CACNA1E: variants seen among roughly 807,000 people sequenced by gnomAD.
CACNA1E encodes the protein voltage-dependent R-type calcium channel subunit alpha-1E.
Under a neutral mutation model 259.2 loss-of-function variants are expected in CACNA1E, and 40 were observed. That is an observed-to-expected ratio of 0.15 (90% CI 0.12 to 0.20). CACNA1E has a LOEUF of 0.20. Among genes scored for constraint, CACNA1E ranks in the 10% least tolerant of loss-of-function variants. The pLI, the probability that CACNA1E is intolerant of heterozygous loss-of-function variation, is 1.00. For missense variants in CACNA1E, 1,874 were observed against 3,040.1 expected (o/e 0.62, Z 9.02); for synonymous variants, 1,104 against 1,138.5 (o/e 0.97, Z 0.61).
intron 18 of CACNA1E, among the ~76,000 whole-genome samples, chr1:181,727,868 G>A (rs1322118192): frequency 6.6e-6 from 1 of 152,158 alleles, no homozygotes; most frequent in African/African-American, 2.4e-5. Context: ...CCAGTGAAGG[G>A]CTCCCAGGCA....
chr1:181,587,634 A>G (rs1652197986), intron 6 of CACNA1E, among the ~76,000 whole-genome samples: 1 of 152,200 alleles, frequency 6.6e-6, no homozygotes, highest in African/African-American at 2.4e-5. Flanking sequence ...CTGTAATCCC[A>G]GCACTTTGGG....
rs369898968 is a variant in CACNA1E at position 181,682,758 on chromosome 1, G to A, written c.1056-28196G>A. ...GGCAGGAGCAGTAGGAAGAGAGTGA[G>A]TGAGTGGGGAGGTGCTACACACTTT... On this transcript the variant is annotated intron_variant, in intron 7 of 47. Coordinates refer to ENST00000367573, the MANE Select transcript of CACNA1E (RefSeq NM_001205293.3). Among the ~76,000 whole-genome samples the A allele has an allele frequency of 2.6e-5, 4 of 152,308 alleles. No individual in the cohort carries two copies. The South Asian group carries it at 8.3e-4, about 32-fold the overall frequency.
chr1:181,459,626 G>A (rs1469724453), intron 2 of CACNA1E, among the ~76,000 whole-genome samples: 1 of 152,228 alleles, frequency 6.6e-6, no homozygotes, highest in Non-Finnish European at 1.5e-5. Flanking sequence ...CCTGCACCAC[G>A]TCACAGCCTT....
intron 2 of CACNA1E, among the ~76,000 whole-genome samples, chr1:181,416,445 C>T (rs2102166038): frequency 6.6e-6 from 1 of 152,306 alleles, no homozygotes; most frequent in South Asian, 2.1e-4. Flanking sequence ...CTTTTCTTAT[C>T]TGCTATCCTG....
At chr1:181,509,731 G>A (rs1176163280) in intron 1 of CACNA1E, among the ~76,000 whole-genome samples, 1 of 152,120 alleles carries the variant, frequency 6.6e-6, no homozygotes, top group East Asian at 1.9e-4. Context: ...ACAGAAAAAA[G>A]CCTGCATTCA....
chr1:181,485,028 C>T lies in CACNA1E; in HGVS notation c.266+1018C>T, dbSNP rs1168668018. On this transcript the variant is annotated intron_variant, in intron 1 of 47. Coordinates refer to ENST00000367573, the MANE Select transcript of CACNA1E (RefSeq NM_001205293.3). This position sits in a 1 kb window ranked among gnomAD's most constrained non-coding sequence, Gnocchi z 4.2. ...GCCTTGTTCTTCACTAAGGATTGGA[C>T]GCCTGGCAAGGCCATTGGGAATTGG... Among the ~76,000 whole-genome samples, 1 of 152,182 alleles carries T rather than the reference C, an allele frequency of 6.6e-6. No homozygotes were observed. Among genetic ancestry groups the T allele is most frequent in the Non-Finnish European group, 1.5e-5 (1 of 68,032 alleles).
At chr1:181,637,567 T>C (rs545749578) in intron 6 of CACNA1E, among the ~76,000 whole-genome samples, 2 of 152,218 alleles carry the variant, frequency 1.3e-5, no homozygotes, top group Non-Finnish European at 2.9e-5. Flanking sequence ...ACATTCCGCT[T>C]ATTCACTTAT....
intron 7 of CACNA1E, among the ~76,000 whole-genome samples, chr1:181,683,630 C>A (rs1650216454): frequency 6.6e-6 from 1 of 152,138 alleles, no homozygotes; most frequent in Non-Finnish European, 1.5e-5. Context: ...TATTGTTAAC[C>A]TATTTCTGTC....
chr1:181,782,666 C>T (rs1358630722), intron 39 of CACNA1E, among the ~76,000 whole-genome samples: 1 of 152,192 alleles, frequency 6.6e-6, no homozygotes, highest in Non-Finnish European at 1.5e-5. Context: ...AGGACGTTCT[C>T]CTGCTGCTAC....
intron 6 of CACNA1E, among the ~76,000 whole-genome samples, chr1:181,597,297 A>AG (rs1396724212): frequency 6.6e-6 from 1 of 152,150 alleles, no homozygotes; most frequent in Non-Finnish European, 1.5e-5. Flanking sequence ...GAGAGGAGAA[A>AG]GGGGCTCCCT....
At chr1:181,611,526 T>C (rs1654751133) in intron 6 of CACNA1E, among the ~76,000 whole-genome samples, 1 of 152,096 alleles carries the variant, frequency 6.6e-6, no homozygotes, top group South Asian at 2.1e-4. Flanking sequence ...TTTGGGCAGG[T>C]GCACCTCTAC....
intron 1 of CACNA1E, among the ~76,000 whole-genome samples, chr1:181,496,850 C>T (rs755419324): frequency 5.3e-5 from 8 of 152,120 alleles, no homozygotes; most frequent in Non-Finnish European, 1.2e-4. Flanking sequence ...ATTGTTTTTG[C>T]ATGGAAATTT....
intron 2 of CACNA1E, among the ~76,000 whole-genome samples, chr1:181,450,599 G>A (rs530818709): frequency 5.3e-5 from 8 of 152,278 alleles, no homozygotes; most frequent in South Asian, 2.1e-4. Flanking sequence ...TTTTTAGAGC[G>A]CAGTAATATC....
chr1:181,737,406 G>A, intron 22 of CACNA1E, 119 bp from the exon 23 acceptor site: 1 of 1,168,010 alleles, frequency 8.6e-7, no homozygotes, highest in Non-Finnish European at 1.2e-6. Context: ...CTCCCTGGCG[G>A]CTTCCTTTGG....
At chr1:181,456,999 C>T (rs1661503425) in intron 2 of CACNA1E, among the ~76,000 whole-genome samples, 1 of 152,182 alleles carries the variant, frequency 6.6e-6, no homozygotes, top group Non-Finnish European at 1.5e-5. Flanking sequence ...CTTGTGCTCA[C>T]TTTTCTACTG....
At chr1:181,584,932 G>A (rs916883949) in intron 6 of CACNA1E, among the ~76,000 whole-genome samples, 4 of 152,158 alleles carry the variant, frequency 2.6e-5, no homozygotes, top group African/African-American at 9.7e-5. Context: ...CTGTAATTGT[G>A]ACTGGTATTG....
chr1:181,589,424 C>T (rs371879612), intron 6 of CACNA1E, among the ~76,000 whole-genome samples: 4 of 152,130 alleles, frequency 2.6e-5, no homozygotes. Context: ...GGACTTAGGT[C>T]AAGAAGGGGC....
At chr1:181,629,266 C>A (rs1041988449) in intron 6 of CACNA1E, among the ~76,000 whole-genome samples, 1 of 152,196 alleles carries the variant, frequency 6.6e-6, no homozygotes, top group African/African-American at 2.4e-5. Flanking sequence ...AGCTGATGCT[C>A]TTTGCTTAGC....
At chr1:181,526,591 T>A (rs1056133605) in intron 3 of CACNA1E, among the ~76,000 whole-genome samples, 1 of 152,216 alleles carries the variant, frequency 6.6e-6, no homozygotes, top group Non-Finnish European at 1.5e-5. Context: ...TTGGTTTTTC[T>A]ATATCATTTT....
Sources: gnomAD v4.1 joint callset for allele counts (sites outside exome capture counted in the v4.1 genomes callset) on GRCh38, gnomAD v4.1.1 for gene constraint, Gnocchi (gnomAD v3.1) non-coding constraint, MANE v1.5 for transcripts, NCBI Gene and HGNC (gene_info 2026-07-23, HGNC 2026-07-21) for gene names.